Variants in CCM2 observed in about 807,000 individuals in gnomAD.
The protein encoded by CCM2 is cerebral cavernous malformations 2 protein.
A neutral mutation model predicts 44.9 loss-of-function variants in CCM2; 25 were observed. The observed-to-expected ratio is 0.56, with a 90% confidence interval of 0.41 to 0.78. The LOEUF is 0.78. CCM2 is among the 30% of genes least tolerant of loss of function. CCM2 has a pLI of 0.00. For synonymous variants in CCM2, 219 were observed against 241.1 expected (o/e 0.91, Z 0.85); for missense variants, 481 against 580.6 (o/e 0.83, Z 1.76).
At chr7:45,066,077 G>A (rs1798758243) in intron 4 of CCM2, among the ~76,000 whole-genome samples, 1 of 152,144 alleles carries the variant, frequency 6.6e-6, no homozygotes, top group African/African-American at 2.4e-5. Context: ...CATTGCTAAA[G>A]GAAATGGATG....
chr7:45,075,951 A>T lies in CCM2; in HGVS notation c.1229A>T (p.Asp410Val). Residue 410 changes from aspartate to valine, a missense_variant, in exon 10 of 10, where the codon GAT becomes GTT. Physicochemically the swap from Asp to Val is radical, Grantham distance 152 (BLOSUM62 -3). Coordinates refer to ENST00000258781, the MANE Select transcript of CCM2 (RefSeq NM_031443.4). Reference sequence around the variant, plus strand: ...GGGAACAGGGCCACGGGCAGCTCTGATGACCGGTCGGCACCCTCAGAGGGG... The same window carrying T: ...GGGAACAGGGCCACGGGCAGCTCTGTTGACCGGTCGGCACCCTCAGAGGGG... The part of the protein sequence containing the change: ...TNGNRATGSS[D>V]DRSAPSEGDE... 3 of 1,613,176 alleles carry T rather than the reference A, an allele frequency of 1.9e-6. No homozygotes were observed. The highest frequency in any genetic ancestry group is 2.5e-6 in the Non-Finnish European group (3 of 1,180,018).
At chr7:45,049,509 G>A (rs1797905509) in intron 2 of CCM2, among the ~76,000 whole-genome samples, 1 of 152,126 alleles carries the variant, frequency 6.6e-6, no homozygotes, top group Non-Finnish European at 1.5e-5. Flanking sequence ...TTATCGCCGA[G>A]TGTTCACATT....
At chr7:45,008,059 T>A (rs1795914622) in intron 1 of CCM2, among the ~76,000 whole-genome samples, 1 of 84,632 alleles carries the variant, frequency 1.2e-5, no homozygotes, top group Middle Eastern at 6.0e-3. Context: ...TTTTTTTTTT[T>A]TGAGGTGGAG....
chr7:45,063,992 C>T lies in CCM2; in HGVS notation c.279C>T (p.Asp93=). The T allele has an allele frequency of 6.2e-7, 1 of 1,609,216 alleles. No individual in the cohort carries two copies. The highest frequency in any genetic ancestry group is 8.5e-7 in the Non-Finnish European group (1 of 1,175,548). The change falls in exon 3 of 10, where the codon GAC becomes GAT. Residue 93 remains aspartate (D), a synonymous_variant. Transcript: ENST00000258781. ...SSRTEILHFI[D]NAKRAHQLPG... Reference sequence around the variant, plus strand: ...GGACTGAAATCCTGCATTTCATAGACAATGCAAAGGTAACCCTATCCTCTT... The same window carrying T: ...GGACTGAAATCCTGCATTTCATAGATAATGCAAAGGTAACCCTATCCTCTT...
intron 4 of CCM2, among the ~76,000 whole-genome samples, chr7:45,067,259 C>G (rs1318458029): frequency 6.8e-6 from 1 of 147,136 alleles, no homozygotes; most frequent in Non-Finnish European, 1.5e-5. Flanking sequence ...ATGGTGTGGT[C>G]TTGGTTCACT....
intron 2 of CCM2, among the ~76,000 whole-genome samples, chr7:45,039,389 A>T (rs1182433866): frequency 6.6e-6 from 1 of 152,240 alleles, no homozygotes; most frequent in Non-Finnish European, 1.5e-5. Context: ...TCATTGGGGA[A>T]GTTAAGCAGC....
intron 1 of CCM2, among the ~76,000 whole-genome samples, chr7:45,026,060 C>T (rs1303487681): frequency 2.0e-5 from 3 of 152,090 alleles, no homozygotes; most frequent in Non-Finnish European, 4.4e-5. Flanking sequence ...TGTCTATTTC[C>T]CTGGAATCCT....
chr7:45,043,084 C>T (rs918204927), intron 2 of CCM2, among the ~76,000 whole-genome samples: 5 of 151,798 alleles, frequency 3.3e-5, no homozygotes, highest in Non-Finnish European at 5.9e-5. Context: ...GCAGCCCTCC[C>T]ACCTTAGCCT....
rs539030281 is a variant in CCM2, at chr7:45,052,931, A to G, written c.205-10987A>G. The stretch of plus-strand genomic sequence containing the variant: ...TCTACTTATAGCTCTTATTCTTTAG[A>G]CAAAGGACCAATGGAAGGATTCTGC... On this transcript the variant is annotated intron_variant, in intron 2 of 9. Transcript: ENST00000258781. Among the ~76,000 whole-genome samples, 88 of 152,330 alleles carry G rather than the reference A, an allele frequency of 5.8e-4. 1 individual carries two copies. The highest frequency in any genetic ancestry group is 1.9e-3 in the African/African-American group (79 of 41,560).
At chr7:45,009,765 C>G (rs1448699331) in intron 1 of CCM2, among the ~76,000 whole-genome samples, 1 of 152,130 alleles carries the variant, frequency 6.6e-6, no homozygotes, top group Admixed American at 6.6e-5. Flanking sequence ...CCCATCAACT[C>G]ATTTTATTTT....
intron 1 of CCM2, among the ~76,000 whole-genome samples, chr7:45,019,740 G>A (rs4724350): frequency 0.87 from 131,864 of 152,154 alleles, 57,447 homozygotes; most frequent in African/African-American, 0.96. Flanking sequence ...GCACTATCTG[G>A]CTAATTTTTA....
At chr7:45,063,412 G>A (rs1424214226) in intron 2 of CCM2, among the ~76,000 whole-genome samples, 3 of 152,174 alleles carry the variant, frequency 2.0e-5, no homozygotes, top group East Asian at 1.9e-4. Flanking sequence ...ACTGTTGCAT[G>A]TGGGGACTAA....
intron 1 of CCM2, among the ~76,000 whole-genome samples, chr7:45,003,918 G>C (rs1583827487): frequency 6.6e-6 from 1 of 152,164 alleles, no homozygotes. Flanking sequence ...TAGTGGCTAC[G>C]CCTGTAATCC....
intron 2 of CCM2, among the ~76,000 whole-genome samples, chr7:45,047,452 G>A (rs1254068217): frequency 6.6e-6 from 1 of 152,172 alleles, no homozygotes; most frequent in African/African-American, 2.4e-5. Flanking sequence ...CTGGAGGATT[G>A]CTTGAGCCCA....
At chr7:45,061,662 T>A (rs1798530637) in intron 2 of CCM2, among the ~76,000 whole-genome samples, 1 of 152,074 alleles carries the variant, frequency 6.6e-6, no homozygotes, top group African/African-American at 2.4e-5. Flanking sequence ...TTGTTGTTCT[T>A]GTTGTAGAGA....
At chr7:45,051,413 A>G (rs28630972) in intron 2 of CCM2, among the ~76,000 whole-genome samples, 1 of 146,538 alleles carries the variant, frequency 6.8e-6, no homozygotes, top group Non-Finnish European at 1.5e-5. Flanking sequence ...TTATTTATTT[A>G]TTGAGACATA....
intron 6 of CCM2, chr7:45,072,389 G>A: frequency 2.2e-6 from 1 of 457,718 alleles, no homozygotes; most frequent in Non-Finnish European, 4.1e-6. Flanking sequence ...GGTTAAAGGA[G>A]ACAAAGCCCC....
intron 1 of CCM2, among the ~76,000 whole-genome samples, chr7:45,034,512 CTTTTTT>C (rs35845924): frequency 1.7e-4 from 11 of 65,232 alleles, no homozygotes; most frequent in African/African-American, 6.4e-4. Context: ...CATGCCTGGC[CTTTTTT>C]TTTTTTTTTT....
Position 45,073,580 on chromosome 7 carries a change from C to T in CCM2, c.915+9C>T. The T allele has an allele frequency of 1.3e-6, 2 of 1,591,314 alleles. No individual in the cohort carries two copies. The highest frequency in any genetic ancestry group is 2.2e-5 in the South Asian group (2 of 90,674). ...AGGACTACATGCTGACGGTAGGCCT[C>T]CGCTGCAGGGACGCTGGGCTGCATG... On this transcript the variant is annotated intron_variant, in intron 8 of 9. Coordinates refer to ENST00000258781, the MANE Select transcript of CCM2 (RefSeq NM_031443.4).
Sources: gnomAD v4.1 joint callset for allele counts (sites outside exome capture counted in the v4.1 genomes callset) on GRCh38, gnomAD v4.1.1 for gene constraint, MANE v1.5 for transcripts, NCBI Gene and HGNC (gene_info 2026-07-23, HGNC 2026-07-21) for gene names.